The following RTN1 variants were observed in gnomAD, a reference collection of about 807,000 sequenced individuals.
The protein encoded by RTN1 is reticulon 1.
In RTN1, 25 loss-of-function variants were observed where a neutral mutation model predicts 65.5. The ratio of observed to expected loss-of-function variants is 0.38; its 90% CI spans 0.28 to 0.53. RTN1 has a LOEUF of 0.53. RTN1 is among the 20% of genes least tolerant of loss of function. RTN1 has a pLI of 0.79. For missense variants in RTN1, 983 were observed against 1,025.4 expected, an observed-to-expected ratio of 0.96 and a Z score of 0.57; for synonymous variants, 471 against 447.6, an observed-to-expected ratio of 1.05 and a Z score of -0.66.
intron 3 of RTN1, among the ~76,000 whole-genome samples, chr14:59,629,392 C>A (rs1463281465): frequency 6.6e-6 from 1 of 152,170 alleles, no homozygotes; most frequent in Non-Finnish European, 1.5e-5. Context: ...CCTATCCTTC[C>A]TGTGATATAG....
intron 1 of RTN1, among the ~76,000 whole-genome samples, chr14:59,750,161 T>G (rs1341678014): frequency 1.5e-5 from 1 of 67,190 alleles, no homozygotes; most frequent in Non-Finnish European, 2.5e-5. Context: ...ATAGATAATA[T>G]ATATTATATC....
chr14:59,799,062 G>A lies in RTN1; in HGVS notation c.242-52581C>T, dbSNP rs533730590. 3.9e-5 allele frequency among the ~76,000 whole-genome samples: 6 copies of A among 152,242 alleles called. No individual in the cohort carries two copies. The South Asian group carries it at 1.2e-3, about 32-fold the overall frequency. ...TCATTTCTCTACAATTAGGTCAAGT[G>A]AATTATGACTTGGTTTCACAAACAA... On this transcript the variant is annotated intron_variant, in intron 1 of 8. Coordinates refer to ENST00000267484, the MANE Select transcript of RTN1 (RefSeq NM_021136.3).
At chr14:59,656,117 C>T (rs902673789) in intron 3 of RTN1, among the ~76,000 whole-genome samples, 2 of 152,038 alleles carry the variant, frequency 1.3e-5, no homozygotes, top group African/African-American at 4.8e-5. Context: ...GAGAAAGAAG[C>T]TGGATATACA....
At chr14:59,813,267 G>C (rs1374008534) in intron 1 of RTN1, among the ~76,000 whole-genome samples, 2 of 152,088 alleles carry the variant, frequency 1.3e-5, no homozygotes, top group Non-Finnish European at 2.9e-5. Context: ...ACATTAAATT[G>C]GAAACTGAAT....
At chr14:59,854,760 G>C (rs1439280841) in intron 1 of RTN1, among the ~76,000 whole-genome samples, 1 of 152,032 alleles carries the variant, frequency 6.6e-6, no homozygotes, top group Non-Finnish European at 1.5e-5. Flanking sequence ...ATCAAATCTG[G>C]ATGCTTCACT....
chr14:59,601,367 A>C (rs980980791), intron 8 of RTN1, among the ~76,000 whole-genome samples: 8 of 151,956 alleles, frequency 5.3e-5, no homozygotes, highest in African/African-American at 1.4e-4. Context: ...CCAGGAAGGA[A>C]CAATTGTTTC....
chr14:59,630,533 G>A (rs1594642066), intron 3 of RTN1: 1 of 1,612,606 alleles, frequency 6.2e-7, no homozygotes, highest in Non-Finnish European at 8.5e-7. Flanking sequence ...GCTCGCCGTG[G>A]CTCTCCTCGG....
chr14:59,782,042 C>T (rs757789320), intron 1 of RTN1, among the ~76,000 whole-genome samples: 3 of 152,006 alleles, frequency 2.0e-5, no homozygotes, highest in Non-Finnish European at 4.4e-5. Flanking sequence ...GGATTAGTGC[C>T]CTTTTAAAGA....
chr14:59,749,200 A>ATATATATATC (rs1275393185), intron 1 of RTN1, among the ~76,000 whole-genome samples: 1 of 56,690 alleles, frequency 1.8e-5, no homozygotes, highest in African/African-American at 1.2e-4. Flanking sequence ...ATATATATCT[A>ATATATATATC]TATATATATC....
intron 1 of RTN1, among the ~76,000 whole-genome samples, chr14:59,818,744 C>G (rs1276813478): frequency 6.6e-6 from 1 of 152,196 alleles, no homozygotes; most frequent in Non-Finnish European, 1.5e-5. Context: ...TCTCCACACT[C>G]CTTTCCACAG....
intron 3 of RTN1, among the ~76,000 whole-genome samples, chr14:59,643,932 T>A (rs931167893): frequency 1.3e-5 from 2 of 152,256 alleles, no homozygotes; most frequent in Admixed American, 6.5e-5. Flanking sequence ...GTCTAGATAT[T>A]GATTTAGCAG....
rs772385221 is a variant in RTN1 at position 59,748,495 on chromosome 14, C to A, written c.242-2014G>T. On this transcript the variant is annotated intron_variant, in intron 1 of 8. Coordinates refer to ENST00000267484, the MANE Select transcript of RTN1 (RefSeq NM_021136.3). The stretch of plus-strand genomic sequence containing the variant: ...GCCGTCTTAAGAAAAATGACCCTAA[C>A]CCTCCATCTCAAATTGCAACTTGCC... 6.6e-5 allele frequency among the ~76,000 whole-genome samples: 10 copies of A among 152,146 alleles called. No individual in the cohort carries two copies. In the Middle Eastern group the frequency reaches 0.014, roughly 207 times the overall value.
In RTN1 at chr14:59,784,401, A is replaced by G. The variant is rs139810341; in HGVS notation, c.242-37920T>C. 7.2e-3 allele frequency among the ~76,000 whole-genome samples: 1,094 copies of G among 151,712 alleles called. 23 individuals carry two copies. The highest frequency in any genetic ancestry group is 0.056 in the East Asian group (287 of 5,144). On this transcript the variant is annotated intron_variant, in intron 1 of 8. Coordinates refer to ENST00000267484, the MANE Select transcript of RTN1 (RefSeq NM_021136.3). ...GGTTGTGGTGAGCCGAGATCGTGCC[A>G]TTACACTCCAGCCGGGGCAACAAGA... is the stretch of plus-strand genomic sequence containing the variant.
chr14:59,863,326 T>C (rs1887742147), intron 1 of RTN1, among the ~76,000 whole-genome samples: 1 of 152,150 alleles, frequency 6.6e-6, no homozygotes, highest in South Asian at 2.1e-4. Flanking sequence ...TCTTATTTTC[T>C]CCCCTCTCAT....
At chr14:59,770,741 T>A (rs919821564) in intron 1 of RTN1, among the ~76,000 whole-genome samples, 1 of 152,152 alleles carries the variant, frequency 6.6e-6, no homozygotes, top group Non-Finnish European at 1.5e-5. Context: ...AAGGCTTTAC[T>A]AACCTTAAAT....
At chr14:59,665,538 G>A (rs549221468) in intron 3 of RTN1, among the ~76,000 whole-genome samples, 12 of 152,160 alleles carry the variant, frequency 7.9e-5, no homozygotes, top group Admixed American at 3.3e-4. Flanking sequence ...ATCAATTAAC[G>A]GGCAAAATAA....
chr14:59,818,730 G>A (rs1328424030), intron 1 of RTN1, among the ~76,000 whole-genome samples: 3 of 152,132 alleles, frequency 2.0e-5, no homozygotes, highest in Admixed American at 6.5e-5. Context: ...ACTTATTTGA[G>A]AATTCTCCAC....
At chr14:59,812,822 A>G (rs1389829979) in intron 1 of RTN1, among the ~76,000 whole-genome samples, 1 of 152,242 alleles carries the variant, frequency 6.6e-6, no homozygotes, top group Non-Finnish European at 1.5e-5. Flanking sequence ...TACAAAAACA[A>G]CACACTGAAA....
intron 1 of RTN1, among the ~76,000 whole-genome samples, chr14:59,806,333 C>G: frequency 6.6e-6 from 1 of 151,820 alleles, no homozygotes; most frequent in Non-Finnish European, 1.5e-5. Context: ...TTCTCATTGT[C>G]ATACATCTTT....
Sources: gnomAD v4.1 joint callset for allele counts (sites outside exome capture counted in the v4.1 genomes callset) on GRCh38, gnomAD v4.1.1 for gene constraint, MANE v1.5 for transcripts, NCBI Gene and HGNC (gene_info 2026-07-23, HGNC 2026-07-21) for gene names.